Variants in RPS29 observed in about 807,000 individuals in gnomAD.
The protein encoded by RPS29 is small ribosomal subunit protein uS14.
For missense variants in RPS29, 60 were observed against 75.7 expected (o/e 0.79, Z 0.77); for synonymous variants, 37 against 26.9 (o/e 1.37, Z -1.16).
chr14:49,572,149 G>A (rs922742222), exon 3 of RPS29: 4 of 152,032 alleles, frequency 2.6e-5, no homozygotes, highest in Non-Finnish European at 4.4e-5. Flanking sequence ...CGAGGTTCAC[G>A]GTGTTGGCCA....
exon 1 of RPS29, chr14:49,598,440 C>G (rs1448410162): frequency 1.4e-6 from 1 of 701,812 alleles, no homozygotes; most frequent in Admixed American, 2.0e-5. Flanking sequence ...ATTGCCAAGT[C>G]AAATACAGCC....
At chr14:49,577,562 G>A (rs1566476182) in exon 3 of RPS29, 1 of 630,554 alleles carries the variant, frequency 1.6e-6, no homozygotes, top group Non-Finnish European at 2.8e-6. Context: ...TTAACGTTGT[G>A]GACCAGGAAC....
chr14:49,582,973 CAA>C (rs1183237380), downstream of RPS29, among the ~76,000 whole-genome samples: 3 of 152,150 alleles, frequency 2.0e-5, no homozygotes, highest in Non-Finnish European at 2.9e-5. Flanking sequence ...TGTATCTATT[CAA>C]AAGTGTGTGA....
At chr14:49,587,791 T>C (rs1881622009), upstream of RPS29, among the ~76,000 whole-genome samples, 1 of 152,180 alleles carries the variant, frequency 6.6e-6, no homozygotes, top group African/African-American at 2.4e-5. Flanking sequence ...GAAGAGAAAT[T>C]AATTCCAGTT....
Position 49,584,105 on chromosome 14 carries a change from C to CT in RPS29, c.163-431dup, listed in dbSNP as rs199684816. Among the ~76,000 whole-genome samples, 13 of 152,342 alleles carry CT rather than the reference C, an allele frequency of 8.5e-5. No homozygotes were observed. The East Asian group carries it at 2.3e-3, about 27-fold the overall frequency. ...CAAGCGATTCTCCCACCTCAACCTC[C>CT]TGAGTAGCTGAGACCACAGGCGCGG... On this transcript the variant is annotated intron_variant, in intron 2 of 2. Transcript: ENST00000245458.
At chr14:49,588,534 T>C (rs7492396), upstream of RPS29, among the ~76,000 whole-genome samples, 1 of 146,024 alleles carries the variant, frequency 6.8e-6, no homozygotes, top group African/African-American at 2.5e-5. Context: ...TTGTTTTTTT[T>C]CCTTTTTTTT....
chr14:49,586,619 G>A (rs972494568), upstream of RPS29: 6 of 477,024 alleles, frequency 1.3e-5, no homozygotes, highest in African/African-American at 3.9e-5. Flanking sequence ...CCAGCTACTC[G>A]GGAGGCTGAG....
downstream of RPS29, chr14:49,583,536 A>G (rs1367823792): frequency 1.1e-6 from 1 of 951,060 alleles, no homozygotes; most frequent in Non-Finnish European, 1.5e-6. Flanking sequence ...TCTATAAACA[A>G]TTAGCTATTC....
exon 3 of RPS29, chr14:49,575,495 T>C (rs1357847866): frequency 6.6e-6 from 1 of 152,160 alleles, no homozygotes; most frequent in Non-Finnish European, 1.5e-5. Context: ...AGTCAGAAGG[T>C]CCAGTCTGGA....
At chr14:49,574,822 A>G (rs1192612982) in exon 3 of RPS29, 1 of 152,354 alleles carries the variant, frequency 6.6e-6, no homozygotes, top group East Asian at 1.9e-4. Context: ...AGGCCTGAGC[A>G]AAGAACAGAA....
chr14:49,580,053 T>C (rs573417837), downstream of RPS29, among the ~76,000 whole-genome samples: 1,466 of 152,272 alleles, frequency 9.6e-3, 22 homozygotes, highest in African/African-American at 0.034. Flanking sequence ...CCACCATGTA[T>C]ACACAGGGAT....
chr14:49,579,814 A>C (rs1325390459), downstream of RPS29, among the ~76,000 whole-genome samples: 1 of 152,200 alleles, frequency 6.6e-6, no homozygotes, highest in Non-Finnish European at 1.5e-5. Flanking sequence ...CCATACAATA[A>C]GTGTGTTGTG....
chr14:49,581,148 C>T (rs1445593003), downstream of RPS29, among the ~76,000 whole-genome samples: 2 of 151,938 alleles, frequency 1.3e-5, no homozygotes, highest in African/African-American at 4.8e-5. Flanking sequence ...GATCAAGCCA[C>T]TGCAGCACTC....
At chr14:49,585,869 G>A in intron 2 of RPS29, 81 bp downstream of exon 2, 1 of 1,070,592 alleles carries the variant, frequency 9.3e-7, no homozygotes, top group East Asian at 2.4e-5. Flanking sequence ...GGGAAGATCT[G>A]TCCGTTTGTC....
chr14:49,593,630 T>C (rs927319620), intron 1 of RPS29, among the ~76,000 whole-genome samples: 1 of 131,732 alleles, frequency 7.6e-6, no homozygotes, highest in Non-Finnish European at 1.5e-5. Context: ...GAAGTGGAAG[T>C]TGCAATGAGC....
downstream of RPS29, among the ~76,000 whole-genome samples, chr14:49,582,012 CAA>C (rs58507206): frequency 1.4e-3 from 154 of 106,482 alleles, no homozygotes; most frequent in Admixed American, 5.6e-3. Flanking sequence ...CCCTGCCCCC[CAA>C]AAAAAAAAAA....
chr14:49,580,589 C>T (rs966740139), downstream of RPS29, among the ~76,000 whole-genome samples: 9 of 152,292 alleles, frequency 5.9e-5, no homozygotes, highest in African/African-American at 1.7e-4. Context: ...AAAAAATTGG[C>T]GGCCAGGAGC....
At chr14:49,588,820 C>T (rs1329949262), upstream of RPS29, among the ~76,000 whole-genome samples, 4 of 150,708 alleles carry the variant, frequency 2.7e-5, no homozygotes, top group African/African-American at 9.7e-5. Flanking sequence ...TGAGCCACCA[C>T]GCCCGGCCTA....
At chr14:49,586,646 AGTC>A, upstream of RPS29, 1 of 425,152 alleles carries the variant, frequency 2.4e-6, no homozygotes, top group Non-Finnish European at 4.4e-6. Context: ...GGATCGCTTG[AGTC>A]CAGGAGTTCT....
Sources: allele counts gnomAD v4.1 joint callset (sites outside exome capture counted in the v4.1 genomes callset), GRCh38; gene constraint gnomAD v4.1.1; transcripts MANE v1.5; gene names NCBI Gene and HGNC (gene_info 2026-07-23, HGNC 2026-07-21).